Variants in ATP13A4 observed in about 807,000 individuals in gnomAD.
The protein encoded by ATP13A4 is ATPase 13A4, also known as probable cation-transporting ATPase 13A4.
A neutral mutation model predicts 142.5 loss-of-function variants in ATP13A4; 114 were observed. The observed-to-expected ratio is 0.80, with a 90% CI of 0.69 to 0.93. ATP13A4 has a LOEUF of 0.93. Ranked by LOEUF, ATP13A4 falls within the 40% of genes least tolerant of loss-of-function variation. ATP13A4 has a pLI of 0.00. For missense variants in ATP13A4, 1,392 were observed against 1,454.0 expected (o/e 0.96, Z 0.69); for synonymous variants, 488 against 514.8 (o/e 0.95, Z 0.70).
intron 1 of ATP13A4, among the ~76,000 whole-genome samples, chr3:193,552,014 G>GC (rs1252143280): frequency 6.6e-6 from 1 of 151,894 alleles, no homozygotes; most frequent in Non-Finnish European, 1.5e-5. Flanking sequence ...TTGCTCTGTT[G>GC]CCAGGCTGGA....
chr3:193,471,555 C>G (rs956795968), intron 8 of ATP13A4, among the ~76,000 whole-genome samples: 18 of 151,698 alleles, frequency 1.2e-4, no homozygotes, highest in Non-Finnish European at 1.8e-4. Flanking sequence ...GCACTCCAGC[C>G]TGGGTGACAG....
At position 193,467,742 on chromosome 3, in the gene ATP13A4, A is replaced by T. The variant is rs1425050370; in HGVS notation, c.944-256T>A. 2.0e-5 allele frequency among the ~76,000 whole-genome samples: 3 copies of T among 152,208 alleles called. No individual in the cohort carries two copies. In the East Asian group the frequency reaches 5.8e-4, roughly 29 times the overall value. On this transcript the variant is annotated intron_variant, in intron 9 of 29. Transcript: ENST00000342695. ...ATACTGTGGGTACTGTAAATCAAAC[A>T]CAGATGTCAAGATAGCTGGAAATAA...
At chr3:193,479,498 A>G (rs754230905) in intron 8 of ATP13A4, among the ~76,000 whole-genome samples, 2 of 152,146 alleles carry the variant, frequency 1.3e-5, no homozygotes, top group Non-Finnish European at 2.9e-5. Context: ...AAAAAAGTCA[A>G]GAACGCAACC....
intron 1 of ATP13A4, among the ~76,000 whole-genome samples, chr3:193,525,731 A>G (rs1721961690): frequency 6.6e-6 from 1 of 152,216 alleles, no homozygotes; most frequent in East Asian, 1.9e-4. Flanking sequence ...ACCAATGCAC[A>G]CAAACACGTC....
intron 17 of ATP13A4, among the ~76,000 whole-genome samples, chr3:193,453,739 T>C (rs1026333630): frequency 6.6e-6 from 1 of 150,940 alleles, no homozygotes; most frequent in Non-Finnish European, 1.5e-5. Context: ...ATCCACCAAC[T>C]ATAATTTTTT....
chr3:193,407,506 A>G (rs1714563926), intron 28 of ATP13A4, 113 bp from the exon 29 acceptor site: 1 of 739,022 alleles, frequency 1.4e-6, no homozygotes, highest in South Asian at 1.5e-5. Flanking sequence ...TGTAATATAT[A>G]TGTGTGTATA....
At chr3:193,538,333 G>C (rs746682450) in intron 1 of ATP13A4, among the ~76,000 whole-genome samples, 1 of 152,038 alleles carries the variant, frequency 6.6e-6, no homozygotes, top group Non-Finnish European at 1.5e-5. Context: ...AAAAATGTTT[G>C]TGCTGGTTGT....
At chr3:193,521,397 G>GA (rs1448956741) in intron 1 of ATP13A4, among the ~76,000 whole-genome samples, 3 of 152,194 alleles carry the variant, frequency 2.0e-5, no homozygotes, top group Non-Finnish European at 4.4e-5. Flanking sequence ...TGGGAAAGGA[G>GA]AGTAGGAAAG....
intron 3 of ATP13A4, among the ~76,000 whole-genome samples, chr3:193,500,289 C>T (rs367979102): frequency 5.3e-5 from 8 of 152,192 alleles, no homozygotes; most frequent in Admixed American, 1.3e-4. Context: ...GTTATAAGAG[C>T]ATCCTGTTTA....
At chr3:193,582,084 C>CAT (rs71912541) in intron 1 of ATP13A4, among the ~76,000 whole-genome samples, 8,475 of 42,900 alleles carry the variant, frequency 0.2, 282 homozygotes, top group African/African-American at 0.23. Context: ...AAAAGACTTC[C>CAT]ATATATATAT....
At chr3:193,591,218 A>G (rs1214734888) in intron 1 of ATP13A4, among the ~76,000 whole-genome samples, 1 of 152,182 alleles carries the variant, frequency 6.6e-6, no homozygotes, top group African/African-American at 2.4e-5. Flanking sequence ...TATTTTTAGT[A>G]GAGACAGGGT....
intron 29 of ATP13A4, chr3:193,403,716 A>C (rs1714358307): frequency 1.0e-6 from 1 of 967,078 alleles, no homozygotes; most frequent in Non-Finnish European, 1.2e-6. Flanking sequence ...GTTATAACTT[A>C]TAATTCATGA....
chr3:193,527,088 G>A (rs191408513), intron 1 of ATP13A4, among the ~76,000 whole-genome samples: 24 of 152,252 alleles, frequency 1.6e-4, no homozygotes, highest in African/African-American at 1.2e-4. Context: ...CTTTGCAACC[G>A]CTGGTATAGG....
At chr3:193,519,477 C>T (rs1194159973) in intron 1 of ATP13A4, among the ~76,000 whole-genome samples, 1 of 152,054 alleles carries the variant, frequency 6.6e-6, no homozygotes, top group Non-Finnish European at 1.5e-5. Flanking sequence ...TCATGGTCTT[C>T]CCATGGCTTG....
chr3:193,556,626 T>C, upstream of ATP13A4, among the ~76,000 whole-genome samples: 1 of 151,412 alleles, frequency 6.6e-6, no homozygotes, highest in South Asian at 2.1e-4. Context: ...AAAGGGTTTA[T>C]GGGGGGGGTA....
chr3:193,558,160 G>A (rs561210946), upstream of ATP13A4, among the ~76,000 whole-genome samples: 3 of 152,292 alleles, frequency 2.0e-5, no homozygotes, highest in South Asian at 4.1e-4. Flanking sequence ...GGTCCAAAGC[G>A]ACTCAGTCCT....
intron 1 of ATP13A4, among the ~76,000 whole-genome samples, chr3:193,518,428 T>G (rs1721543649): frequency 6.6e-6 from 1 of 152,152 alleles, no homozygotes; most frequent in African/African-American, 2.4e-5. Context: ...GGGGGATATA[T>G]CTAGATAAAA....
At chr3:193,581,083 T>C (rs747786552) in intron 2 of ATP13A4, among the ~76,000 whole-genome samples, 2 of 152,236 alleles carry the variant, frequency 1.3e-5, no homozygotes, top group African/African-American at 2.4e-5. Flanking sequence ...GACATGAATA[T>C]GGGTTGTATT....
chr3:193,503,995 A>ATGTGTGTGTGTGTGTGTG lies in ATP13A4; in HGVS notation c.235-1374_235-1357dup, dbSNP rs554927410. Among the ~76,000 whole-genome samples, 247 of 136,090 alleles carry ATGTGTGTGTGTGTGTGTG rather than the reference A, an allele frequency of 1.8e-3. 1 individual carries two copies. Among genetic ancestry groups the ATGTGTGTGTGTGTGTGTG allele is most frequent in the African/African-American group, 4.9e-3 (176 of 35,612 alleles). 89.3% of individuals were successfully genotyped at this position (136,090 alleles called of 152,430 possible). ...CAGGCTTAGCACAGGTTCTGTGTGCATGTGTGTGTGTGTGTGTGTGTGTGT... is the reference window on the plus strand; with the variant it reads ...CAGGCTTAGCACAGGTTCTGTGTGCATGTGTGTGTGTGTGTGTGTGTGTGTGTGTGTGTGTGTGTGTGT... On this transcript the variant is annotated intron_variant, in intron 2 of 29. Transcript: ENST00000342695.
Sources: gnomAD v4.1 joint callset for allele counts (sites outside exome capture counted in the v4.1 genomes callset) on GRCh38, gnomAD v4.1.1 for gene constraint, MANE v1.5 for transcripts, NCBI Gene and HGNC (gene_info 2026-07-23, HGNC 2026-07-21) for gene names.